The following PCDH9 variants were observed in gnomAD, a reference collection of about 807,000 sequenced individuals.
PCDH9 encodes the protein protocadherin 9, also known as protocadherin-9.
In PCDH9, 24 loss-of-function variants were observed where a neutral mutation model predicts 70.6. That is an observed-to-expected ratio of 0.34 (90% CI 0.25 to 0.48). The LOEUF is 0.48. Ranked by LOEUF, PCDH9 falls within the 20% of genes least tolerant of loss-of-function variation. The probability of loss-of-function intolerance (pLI) is 0.99; values close to 1 mark genes in which losing one functional copy is unlikely to be tolerated. For missense variants in PCDH9, 1,281 were observed against 1,503.6 expected (o/e 0.85, Z 2.45); for synonymous variants, 562 against 558.5 (o/e 1.01, Z -0.09).
intron 2 of PCDH9, among the ~76,000 whole-genome samples, chr13:66,924,815 G>A (rs976523062): frequency 6.6e-6 from 1 of 151,696 alleles, no homozygotes; most frequent in African/African-American, 2.4e-5. Flanking sequence ...ATTTTGAGTT[G>A]GCTGGTGCAG....
intron 2 of PCDH9, among the ~76,000 whole-genome samples, chr13:67,143,573 A>AAATAAT (rs1268668999): frequency 1.3e-5 from 2 of 151,970 alleles, no homozygotes; most frequent in African/African-American, 4.8e-5. Context: ...GGTCTAGCCA[A>AAATAAT]AATAATAATA....
At chr13:66,655,697 C>T (rs914622546) in intron 3 of PCDH9, among the ~76,000 whole-genome samples, 3 of 151,974 alleles carry the variant, frequency 2.0e-5, no homozygotes, top group East Asian at 1.9e-4. Context: ...AGCATTTTGT[C>T]GATGAATAAT....
intron 3 of PCDH9, among the ~76,000 whole-genome samples, chr13:66,718,256 G>C (rs2078896976): frequency 1.3e-5 from 2 of 152,174 alleles, no homozygotes; most frequent in African/African-American, 4.8e-5. Flanking sequence ...CAAACTGAGA[G>C]AGAAGTTGCT....
At chr13:66,310,712 A>G (rs1009081881) in intron 4 of PCDH9, among the ~76,000 whole-genome samples, 5 of 152,086 alleles carry the variant, frequency 3.3e-5, no homozygotes, top group African/African-American at 1.2e-4. Context: ...CTGTTAGGTA[A>G]CATAAGTTTA....
At chr13:66,325,496 C>T (rs1955828039) in intron 4 of PCDH9, among the ~76,000 whole-genome samples, 1 of 152,016 alleles carries the variant, frequency 6.6e-6, no homozygotes, top group African/African-American at 2.4e-5. Flanking sequence ...TAAACTATGT[C>T]AGCCTATTCC....
At chr13:66,869,739 C>T (rs1471508590) in intron 3 of PCDH9, among the ~76,000 whole-genome samples, 2 of 152,088 alleles carry the variant, frequency 1.3e-5, no homozygotes, top group East Asian at 1.9e-4. Context: ...TGAGAAACCT[C>T]GTCAACAGCA....
At chr13:66,350,435 A>G (rs1315095209) in intron 4 of PCDH9, among the ~76,000 whole-genome samples, 1 of 152,070 alleles carries the variant, frequency 6.6e-6, no homozygotes, top group Non-Finnish European at 1.5e-5. Flanking sequence ...TCCTTCTCAC[A>G]TGTCTTAGTT....
intron 3 of PCDH9, among the ~76,000 whole-genome samples, chr13:66,700,929 T>C (rs1379117573): frequency 6.1e-5 from 4 of 65,910 alleles, no homozygotes; most frequent in Admixed American, 2.5e-4. Context: ...TATAAATATA[T>C]ATATATATAT....
At chr13:67,162,275 A>G (rs1163619012) in intron 2 of PCDH9, among the ~76,000 whole-genome samples, 2 of 152,236 alleles carry the variant, frequency 1.3e-5, no homozygotes, top group African/African-American at 4.8e-5. Flanking sequence ...CTTGAATTGT[A>G]GTTCTAGTTC....
chr13:66,500,954 T>C (rs1384151218), intron 4 of PCDH9, among the ~76,000 whole-genome samples: 1 of 152,082 alleles, frequency 6.6e-6, no homozygotes, highest in Non-Finnish European at 1.5e-5. Flanking sequence ...CAAAAAATAC[T>C]TGGAAGAGCT....
At chr13:66,443,007 C>T (rs1411371671) in intron 4 of PCDH9, among the ~76,000 whole-genome samples, 1 of 152,068 alleles carries the variant, frequency 6.6e-6, no homozygotes, top group Non-Finnish European at 1.5e-5. Flanking sequence ...CAGGGCAAGC[C>T]AAAAATACAT....
intron 4 of PCDH9, among the ~76,000 whole-genome samples, chr13:66,546,996 T>C (rs1214469992): frequency 6.6e-6 from 1 of 152,208 alleles, no homozygotes; most frequent in Non-Finnish European, 1.5e-5. Flanking sequence ...CCAAGTACAC[T>C]TTATGATGTT....
chr13:67,131,119 C>G lies in PCDH9; in HGVS notation c.3036+94286G>C, dbSNP rs760562951. Reference sequence around the variant, plus strand: ...AGATCAGATATTTACACGTTTAACTCAAATTGGTGCATGTTTACTTTACTT... The same window carrying G: ...AGATCAGATATTTACACGTTTAACTGAAATTGGTGCATGTTTACTTTACTT... On this transcript the variant is annotated intron_variant, in intron 2 of 4. Transcript: ENST00000377865. Among the ~76,000 whole-genome samples the G allele has an allele frequency of 2.9e-4, 44 of 152,254 alleles. No homozygotes were observed. In the Middle Eastern group the frequency reaches 0.01, roughly 35 times the overall value.
At chr13:66,406,538 A>T (rs1026094639) in intron 4 of PCDH9, among the ~76,000 whole-genome samples, 2 of 152,176 alleles carry the variant, frequency 1.3e-5, no homozygotes, top group African/African-American at 4.8e-5. Context: ...AGTGATTATG[A>T]TCTGTTATTT....
intron 4 of PCDH9, among the ~76,000 whole-genome samples, chr13:66,353,995 A>T (rs1593847506): frequency 6.6e-6 from 1 of 152,220 alleles, no homozygotes; most frequent in South Asian, 2.1e-4. Context: ...TTAGAGCTCC[A>T]CATTAATGTG....
At chr13:66,959,862 A>G (rs1474259440) in intron 2 of PCDH9, among the ~76,000 whole-genome samples, 1 of 152,196 alleles carries the variant, frequency 6.6e-6, no homozygotes, top group Non-Finnish European at 1.5e-5. Context: ...TAATCAATAA[A>G]CTGGAAATCA....
At chr13:66,729,691 T>C (rs1226244472) in intron 3 of PCDH9, among the ~76,000 whole-genome samples, 4 of 152,316 alleles carry the variant, frequency 2.6e-5, no homozygotes, top group African/African-American at 9.6e-5. Context: ...TCCTTCTGTG[T>C]GAGAAAACTC....
intron 2 of PCDH9, among the ~76,000 whole-genome samples, chr13:66,990,542 T>C (rs2083981065): frequency 6.7e-6 from 1 of 149,586 alleles, no homozygotes; most frequent in Non-Finnish European, 1.5e-5. Flanking sequence ...TACTCATATA[T>C]ACAGAATATG....
intron 4 of PCDH9, among the ~76,000 whole-genome samples, chr13:66,449,457 T>C (rs1958163197): frequency 1.3e-5 from 2 of 152,196 alleles, no homozygotes; most frequent in South Asian, 4.1e-4. Flanking sequence ...CATCTGGACT[T>C]GATATTTTGT....
Sources: allele counts gnomAD v4.1 joint callset (sites outside exome capture counted in the v4.1 genomes callset), GRCh38; gene constraint gnomAD v4.1.1; transcripts MANE v1.5; gene names NCBI Gene and HGNC (gene_info 2026-07-23, HGNC 2026-07-21).